The following EPHA5 variants were observed in gnomAD, a reference collection of about 807,000 sequenced individuals.
EPHA5 encodes the protein EPH receptor A5.
In EPHA5, 60 loss-of-function variants were observed where a neutral mutation model predicts 105.0. The observed-to-expected ratio is 0.57, with a 90% CI of 0.46 to 0.71. The LOEUF (loss-of-function observed/expected upper bound fraction) is 0.71. Among genes scored for constraint, EPHA5 ranks in the 30% least tolerant of loss-of-function variants. The probability of loss-of-function intolerance (pLI) is 0.00; values close to 1 mark genes in which losing one functional copy is unlikely to be tolerated. For missense variants in EPHA5, 1,218 were observed against 1,274.7 expected (o/e 0.96, Z 0.68); for synonymous variants, 513 against 449.1 (o/e 1.14, Z -1.80).
At chr4:65,556,443 G>A (rs2149349299) in intron 3 of EPHA5, among the ~76,000 whole-genome samples, 1 of 152,188 alleles carries the variant, frequency 6.6e-6, no homozygotes, top group Admixed American at 6.5e-5. Flanking sequence ...AAATAGGCAT[G>A]TAACAAGTGT....
Position 65,418,048 on chromosome 4 carries a change from G to A in EPHA5, c.1527+2393C>T, listed in dbSNP as rs113986092. ...AATGTAAGTACTTGTTAAACTTTTA[G>A]TCTCCCAGCTATTAACCCTTATTGC... On this transcript the variant is annotated intron_variant, in intron 6 of 16. Coordinates refer to ENST00000613740, the MANE Select transcript of EPHA5 (RefSeq NM_001281766.3). Among the ~76,000 whole-genome samples, 208 of 152,168 alleles carry A rather than the reference G, an allele frequency of 1.4e-3. 1 individual carries two copies. The highest frequency in any genetic ancestry group is 4.7e-3 in the African/African-American group (196 of 41,540).
chr4:65,606,492 A>C (rs948821867), intron 2 of EPHA5, among the ~76,000 whole-genome samples: 25 of 152,166 alleles, frequency 1.6e-4, no homozygotes, highest in Admixed American at 6.5e-4. Flanking sequence ...AGGTTTATAA[A>C]AGCAGATTAA....
At chr4:65,635,330 G>GA (rs1747021770) in intron 2 of EPHA5, among the ~76,000 whole-genome samples, 2 of 151,942 alleles carry the variant, frequency 1.3e-5, no homozygotes, top group African/African-American at 2.4e-5. Flanking sequence ...GTCTTCAAAT[G>GA]AAAAAATGAT....
At chr4:65,624,246 T>A (rs1028040907) in intron 2 of EPHA5, among the ~76,000 whole-genome samples, 1 of 152,036 alleles carries the variant, frequency 6.6e-6, no homozygotes, top group African/African-American at 2.4e-5. Flanking sequence ...GATAAGAAAA[T>A]CATGAGATTT....
At chr4:65,414,581 A>G (rs1030467194) in intron 6 of EPHA5, 138 bp from the exon 7 acceptor site, 16 of 880,434 alleles carry the variant, frequency 1.8e-5, no homozygotes, top group Non-Finnish European at 2.0e-5. Flanking sequence ...TTAGAAAAAA[A>G]TCCTACACAT....
At chr4:65,508,917 A>G (rs1453535204) in intron 3 of EPHA5, among the ~76,000 whole-genome samples, 1 of 152,158 alleles carries the variant, frequency 6.6e-6, no homozygotes, top group East Asian at 1.9e-4. Flanking sequence ...TAGAGAACGC[A>G]TTGGGCATAC....
chr4:65,495,515 T>A lies in EPHA5; in HGVS notation c.939A>T (p.Ser313=), dbSNP rs755041509. 8.1e-6 allele frequency: 13 copies of A among 1,613,594 alleles called. No individual in the cohort carries two copies. The highest frequency in any genetic ancestry group is 1.1e-5 in the Non-Finnish European group (13 of 1,179,770). Residue 313 remains serine, a synonymous_variant, in exon 4 of 17, where the codon TCA becomes TCT. Coordinates refer to ENST00000613740, the MANE Select transcript of EPHA5 (RefSeq NM_001281766.3). The part of the protein sequence containing the change: ...QVCRPGFFKA[S]PHIQSCGKCP... ...ATTTGCCGCAGCTCTGGATGTGAGG[T>A]GAGGCTTTGAAGAACCCAGGTCTGC... is the stretch of plus-strand genomic sequence containing the variant.
intron 5 of EPHA5, among the ~76,000 whole-genome samples, chr4:65,456,721 T>TAC (rs71604535): frequency 0.021 from 2,635 of 124,026 alleles, 70 homozygotes; most frequent in African/African-American, 0.072. Context: ...AAAATAAACA[T>TAC]ATACACACAC....
chr4:65,381,615 T>C (rs1719569694), intron 8 of EPHA5, among the ~76,000 whole-genome samples: 1 of 151,856 alleles, frequency 6.6e-6, no homozygotes, highest in African/African-American at 2.4e-5. Flanking sequence ...AACACTACAA[T>C]GTTAATAGTT....
rs1432449711 is a variant in EPHA5, at chr4:65,409,287, A to G, written c.1688-4808T>C. ...GCGCACCAGCATGGCACATGTATAC[A>G]TATGTAACAAACCTGCACATTGTGC... On this transcript the variant is annotated intron_variant, in intron 7 of 16. Coordinates refer to ENST00000613740, the MANE Select transcript of EPHA5 (RefSeq NM_001281766.3). Among the ~76,000 whole-genome samples, 7 of 131,474 alleles carry G rather than the reference A, an allele frequency of 5.3e-5. No individual in the cohort carries two copies. The Admixed American group carries it at 5.4e-4, about 10-fold the overall frequency. 86.3% of individuals were successfully genotyped at this position (131,474 alleles called of 152,430 possible). A position where few individuals can be genotyped will look rare whatever the true frequency, so the allele number is the denominator to read the frequency against.
chr4:65,520,603 G>A (rs896520990), intron 3 of EPHA5, among the ~76,000 whole-genome samples: 25 of 151,964 alleles, frequency 1.6e-4, no homozygotes, highest in African/African-American at 4.6e-4. Flanking sequence ...CTACAGAATG[G>A]GAGAAAATTT....
intron 3 of EPHA5, among the ~76,000 whole-genome samples, chr4:65,525,260 C>A (rs1421260955): frequency 1.3e-5 from 2 of 151,544 alleles, no homozygotes; most frequent in African/African-American, 4.8e-5. Context: ...TTAAAGTTCC[C>A]TCTATGACTG....
intron 3 of EPHA5, among the ~76,000 whole-genome samples, chr4:65,532,867 A>G (rs957376974): frequency 2.0e-5 from 3 of 152,032 alleles, no homozygotes; most frequent in African/African-American, 7.2e-5. Context: ...TATGGCCATC[A>G]TTGCCAGCAT....
At chr4:65,669,070 A>G (rs917251319) in intron 1 of EPHA5, among the ~76,000 whole-genome samples, 6 of 151,978 alleles carry the variant, frequency 3.9e-5, no homozygotes, top group African/African-American at 1.4e-4. Flanking sequence ...CCCCAAAAAT[A>G]AAAGCATCCA....
chr4:65,354,075 TCA>T (rs1411552826), intron 11 of EPHA5, among the ~76,000 whole-genome samples: 4 of 151,768 alleles, frequency 2.6e-5, no homozygotes, highest in African/African-American at 9.7e-5. Context: ...TCTCTGTGCC[TCA>T]GTTTTCTCAT....
chr4:65,433,652 A>G (rs58127879), intron 5 of EPHA5, among the ~76,000 whole-genome samples: 15,163 of 152,212 alleles, frequency 0.1, 980 homozygotes, highest in Middle Eastern at 0.22. Flanking sequence ...CTAAAACTCA[A>G]GGTGTTGGCA....
At chr4:65,520,841 G>A (rs911396330) in intron 3 of EPHA5, among the ~76,000 whole-genome samples, 10 of 152,164 alleles carry the variant, frequency 6.6e-5, no homozygotes, top group African/African-American at 1.9e-4. Flanking sequence ...TCTCACACTA[G>A]TTAGAATTGC....
At chr4:65,562,665 G>T (rs577305329) in intron 3 of EPHA5, among the ~76,000 whole-genome samples, 1 of 152,120 alleles carries the variant, frequency 6.6e-6, no homozygotes, top group South Asian at 2.1e-4. Context: ...CTGAAAGTTA[G>T]TGACTTTTTC....
intron 15 of EPHA5, among the ~76,000 whole-genome samples, chr4:65,333,481 CTCTG>C (rs1302847233): frequency 6.6e-6 from 1 of 151,230 alleles, no homozygotes; most frequent in Non-Finnish European, 1.5e-5. Context: ...TGAAATCTTA[CTCTG>C]TCTGAACATT....
Sources: gnomAD v4.1 joint callset for allele counts (sites outside exome capture counted in the v4.1 genomes callset) on GRCh38, gnomAD v4.1.1 for gene constraint, MANE v1.5 for transcripts, NCBI Gene and HGNC (gene_info 2026-07-23, HGNC 2026-07-21) for gene names.